Variants in AP3B1 observed in about 807,000 individuals in gnomAD.
AP3B1 encodes AP-3 complex subunit beta-1.
Under a neutral mutation model 132.5 loss-of-function variants are expected in AP3B1, and 61 were observed. The ratio of observed to expected loss-of-function variants is 0.46; its 90% CI spans 0.37 to 0.57. The LOEUF (loss-of-function observed/expected upper bound fraction) is 0.57. Among genes scored for constraint, AP3B1 ranks in the 20% least tolerant of loss-of-function variants. The pLI, the probability that AP3B1 is intolerant of heterozygous loss-of-function variation, is 0.00. For missense variants in AP3B1, 1,120 were observed against 1,289.4 expected (o/e 0.87, Z 2.01); for synonymous variants, 388 against 438.3 (o/e 0.89, Z 1.43).
At chr5:78,240,696 G>A (rs564444493) in intron 3 of AP3B1, among the ~76,000 whole-genome samples, 166 bp downstream of exon 3, 3 of 152,228 alleles carry the variant, frequency 2.0e-5, no homozygotes, top group Non-Finnish European at 4.4e-5. Context: ...AGCTAGGATT[G>A]TGCCTACTTT....
intron 14 of AP3B1, among the ~76,000 whole-genome samples, chr5:78,154,618 T>C (rs1743067590): frequency 1.3e-5 from 2 of 152,304 alleles, no homozygotes; most frequent in East Asian, 1.9e-4. Context: ...CTAGATCTTA[T>C]AGCTGTGCTT....
Position 78,175,834 on chromosome 5 carries a change from C to T in AP3B1, c.1045G>A (p.Val349Met). The T allele has an allele frequency of 6.2e-7, 1 of 1,609,472 alleles. No individual in the cohort carries two copies. The highest frequency in any genetic ancestry group is 8.5e-7 in the Non-Finnish European group (1 of 1,177,432). Reference sequence around the variant, plus strand: ...ATATTTTGTAGGACAATATACTGCACCTCCCTAGAAATCAAAAGATAATTT... The same window carrying T: ...ATATTTTGTAGGACAATATACTGCATCTCCCTAGAAATCAAAAGATAATTT... ...LVRLLRSNREVQYIVLQNIAT... is the reference protein window; with the variant it reads ...LVRLLRSNREMQYIVLQNIAT... The change falls in exon 10 of 27, where the codon GTG becomes ATG. Residue 349 changes from valine (V) to methionine (M), a missense_variant. This residue lies in a region of AP3B1 where 906 missense variants were observed against 997.1 expected (regional missense o/e 0.91). Coordinates refer to ENST00000255194, the MANE Select transcript of AP3B1 (RefSeq NM_003664.5).
intron 25 of AP3B1, 109 bp downstream of exon 25, chr5:78,020,583 A>G (rs1286647617): frequency 4.8e-6 from 4 of 839,084 alleles, no homozygotes; most frequent in Admixed American, 2.0e-5. Flanking sequence ...TTGTGCACTA[A>G]TATCTGTTAA....
At chr5:78,276,242 A>G (rs756310388) in intron 1 of AP3B1, among the ~76,000 whole-genome samples, 2 of 151,626 alleles carry the variant, frequency 1.3e-5, no homozygotes, top group Non-Finnish European at 2.9e-5. Context: ...ATGTTTTTTT[A>G]TTTTTTGTAG....
chr5:78,110,209 T>C lies in AP3B1; in HGVS notation c.2395A>G (p.Lys799Glu). ...ESESESRRVT[K>E]EKEKKTKQDR... ...ACAACAAATGTATAATCTCTTACCT[T>C]AGTGACTCTTCTGGATTCAGATTCA... Residue 799 changes from lysine (K) to glutamate (E), a missense_variant and splice_region_variant, in exon 20 of 27, where the codon AAG becomes GAG. Physicochemically the swap from Lys to Glu is moderately conservative, Grantham distance 56. Coordinates refer to ENST00000255194, the MANE Select transcript of AP3B1 (RefSeq NM_003664.5). 1 of 1,602,604 alleles carries C rather than the reference T, an allele frequency of 6.2e-7. No individual in the cohort carries two copies. The highest frequency in any genetic ancestry group is 8.5e-7 in the Non-Finnish European group (1 of 1,173,022).
chr5:78,218,812 T>C (rs1746063871), intron 6 of AP3B1, among the ~76,000 whole-genome samples: 1 of 152,158 alleles, frequency 6.6e-6, no homozygotes, highest in African/African-American at 2.4e-5. Flanking sequence ...TGGCCAATGC[T>C]GCCAAGATTT....
At chr5:78,110,489 G>A in intron 19 of AP3B1, 135 bp from the exon 20 acceptor site, 1 of 625,922 alleles carries the variant, frequency 1.6e-6, no homozygotes, top group Admixed American at 3.2e-5. Context: ...AAATAAATTA[G>A]AACCCATTCA....
At chr5:78,166,390 T>C (rs945760952) in intron 11 of AP3B1, among the ~76,000 whole-genome samples, 1 of 152,186 alleles carries the variant, frequency 6.6e-6, no homozygotes, top group African/African-American at 2.4e-5. Context: ...TTTTGTCTTT[T>C]AGTAAAGTTA....
chr5:78,028,285 C>A (rs1747423899), intron 24 of AP3B1, among the ~76,000 whole-genome samples: 1 of 151,106 alleles, frequency 6.6e-6, no homozygotes, highest in South Asian at 2.1e-4. Flanking sequence ...TATGGTGAAA[C>A]CCTGTCTCTA....
At position 78,002,516 on chromosome 5, in the gene AP3B1, T is replaced by G. The variant is rs937789738; in HGVS notation, c.*386A>C. Reference sequence around the variant, plus strand: ...AAGCTGAGAGGCCATTTAGACTATCTCTTTGCTAATTTTTGCTTACTGCTG... The same window carrying G: ...AAGCTGAGAGGCCATTTAGACTATCGCTTTGCTAATTTTTGCTTACTGCTG... On this transcript the variant is annotated 3_prime_UTR_variant, in exon 27 of 27. Transcript: ENST00000255194. 11 of 482,872 alleles carry G rather than the reference T, an allele frequency of 2.3e-5. No homozygotes were observed. Among genetic ancestry groups the G allele is most frequent in the Non-Finnish European group, 3.3e-5 (9 of 276,150 alleles). 29.9% of individuals were successfully genotyped at this position (482,872 alleles called of 1,614,324 possible). A position where few individuals can be genotyped will look rare whatever the true frequency, so the allele number is the denominator to read the frequency against.
At chr5:78,017,523 T>C (rs1746908651) in intron 25 of AP3B1, among the ~76,000 whole-genome samples, 1 of 152,138 alleles carries the variant, frequency 6.6e-6, no homozygotes, top group South Asian at 2.1e-4. Flanking sequence ...TGATTGCTTA[T>C]GGTAGTTAAG....
chr5:78,274,446 G>T (rs1748686047), intron 1 of AP3B1, among the ~76,000 whole-genome samples: 1 of 151,244 alleles, frequency 6.6e-6, no homozygotes, highest in African/African-American at 2.4e-5. Context: ...GTTCCAAAGA[G>T]AAAAGAGAGT....
chr5:78,229,338 A>G (rs1431049500), intron 3 of AP3B1, among the ~76,000 whole-genome samples: 1 of 152,192 alleles, frequency 6.6e-6, no homozygotes, highest in Non-Finnish European at 1.5e-5. Flanking sequence ...AAATTTATCC[A>G]TTGCTTCCTT....
intron 11 of AP3B1, among the ~76,000 whole-genome samples, chr5:78,168,843 T>C (rs943912583): frequency 9.2e-5 from 14 of 152,182 alleles, no homozygotes; most frequent in Admixed American, 9.2e-4. Context: ...AGTTGTCTCC[T>C]TTGGTCTGAA....
At chr5:78,201,464 T>A (rs1289732978) in intron 7 of AP3B1, among the ~76,000 whole-genome samples, 1 of 152,074 alleles carries the variant, frequency 6.6e-6, no homozygotes, top group East Asian at 1.9e-4. Flanking sequence ...TTCAGCAAAA[T>A]AACACTGAAA....
chr5:78,188,063 A>G (rs1430490852), intron 7 of AP3B1, among the ~76,000 whole-genome samples: 1 of 152,212 alleles, frequency 6.6e-6, no homozygotes, highest in African/African-American at 2.4e-5. Context: ...CCTTCCTTAC[A>G]TCTTATACAA....
chr5:78,080,623 A>ATTTTTTTTTTTTT (rs66609184), intron 22 of AP3B1, among the ~76,000 whole-genome samples: 6 of 103,526 alleles, frequency 5.8e-5, no homozygotes, highest in African/African-American at 1.9e-4. Context: ...TATGCCTCCA[A>ATTTTTTTTTTTTT]TTTTTTTTTT....
At chr5:78,190,149 C>T (rs539434316) in intron 7 of AP3B1, among the ~76,000 whole-genome samples, 1 of 152,044 alleles carries the variant, frequency 6.6e-6, no homozygotes, top group African/African-American at 2.4e-5. Flanking sequence ...GGATTATGAG[C>T]TAACAAACAT....
chr5:78,064,293 C>T (rs990655106), intron 22 of AP3B1, among the ~76,000 whole-genome samples: 10 of 151,952 alleles, frequency 6.6e-5, no homozygotes, highest in Non-Finnish European at 1.5e-5. Flanking sequence ...TTAGAGATCA[C>T]AATTTAATTC....
Sources: allele counts gnomAD v4.1 joint callset (sites outside exome capture counted in the v4.1 genomes callset), GRCh38; gene constraint gnomAD v4.1.1; regional missense constraint gnomAD v4.1.1; transcripts MANE v1.5; gene names NCBI Gene and HGNC (gene_info 2026-07-23, HGNC 2026-07-21).